The following RALYL variants were observed in gnomAD, a reference collection of about 807,000 sequenced individuals.
RALYL encodes RNA-binding Raly-like protein.
In RALYL, 29 loss-of-function variants were observed where a neutral mutation model predicts 35.1. That is an observed-to-expected ratio of 0.83 (90% CI 0.61 to 1.13). The LOEUF (loss-of-function observed/expected upper bound fraction) is 1.13. Ranked by LOEUF, RALYL falls within the 50% of genes most tolerant of loss-of-function variation. The pLI is 0.00. For missense variants in RALYL, 359 were observed against 360.4 expected (o/e 1.00, Z 0.03); for synonymous variants, 120 against 127.6 (o/e 0.94, Z 0.40).
chr8:84,420,339 G>A (rs1196734218), intron 1 of RALYL, among the ~76,000 whole-genome samples: 4 of 152,182 alleles, frequency 2.6e-5, no homozygotes, highest in East Asian at 1.9e-4. Context: ...CTGCATAAAT[G>A]TCTTCTTTTG....
chr8:84,541,264 C>T (rs1038767718), intron 2 of RALYL, among the ~76,000 whole-genome samples: 4 of 151,956 alleles, frequency 2.6e-5, no homozygotes, highest in African/African-American at 9.7e-5. Flanking sequence ...AGCACAGTCT[C>T]AGCCTCATCC....
chr8:84,219,324 T>A (rs1563553040), intron 1 of RALYL, among the ~76,000 whole-genome samples: 1 of 152,032 alleles, frequency 6.6e-6, no homozygotes, highest in Admixed American at 6.6e-5. Flanking sequence ...CCTTCCTCCC[T>A]CCTTGTGAAG....
chr8:84,518,622 A>G (rs1209375920), intron 1 of RALYL, among the ~76,000 whole-genome samples: 3 of 152,202 alleles, frequency 2.0e-5, no homozygotes, highest in Admixed American at 1.3e-4. Context: ...GTTGGTAGGA[A>G]GAAATTCACC....
intron 2 of RALYL, among the ~76,000 whole-genome samples, chr8:84,735,809 CGCGAGAGAGAGAGAGAGAGAGAGA>C (rs1395427282): frequency 1.7e-5 from 2 of 119,046 alleles, no homozygotes; most frequent in Non-Finnish European, 3.7e-5. Flanking sequence ...TCATCCAAAC[CGCGAGAGAGAGAGAGAGAGAGAGA>C]GAGAGAGAGA....
At chr8:84,778,613 AAG>A (rs528393569) in intron 3 of RALYL, among the ~76,000 whole-genome samples, 224 of 152,328 alleles carry the variant, frequency 1.5e-3, no homozygotes, top group Non-Finnish European at 2.7e-3. Context: ...TTTGAAGGGA[AAG>A]AGAGAGGGAA....
chr8:84,911,226 T>C (rs1020688096), intron 8 of RALYL, among the ~76,000 whole-genome samples: 4 of 152,094 alleles, frequency 2.6e-5, no homozygotes, highest in East Asian at 1.9e-4. Flanking sequence ...AAAGTTCAAC[T>C]AGCAACTATC....
At chr8:84,331,182 A>T (rs1477529797) in intron 1 of RALYL, among the ~76,000 whole-genome samples, 1 of 152,122 alleles carries the variant, frequency 6.6e-6, no homozygotes, top group Non-Finnish European at 1.5e-5. Flanking sequence ...ACAAAGACTG[A>T]ACTTATGTCA....
intron 1 of RALYL, among the ~76,000 whole-genome samples, chr8:84,262,706 A>G (rs1458227312): frequency 2.0e-5 from 3 of 152,160 alleles, no homozygotes; most frequent in Non-Finnish European, 2.9e-5. Context: ...CCTGTTGGTG[A>G]TCTATTAATG....
Position 84,920,933 on chromosome 8 carries a change from A to T in RALYL, c.*22A>T, listed in dbSNP as rs13267859. ...GTGATCTGAAATAACGCATGATGCC[A>T]CAAAGCAGAAAAGAGAAACTGTGAC... On this transcript the variant is annotated 3_prime_UTR_variant, in exon 9 of 9. Coordinates refer to ENST00000521268, the MANE Select transcript of RALYL (RefSeq NM_173848.7). 7.1e-7 allele frequency: 1 copy of T among 1,412,914 alleles called. No homozygotes were observed. The highest frequency in any genetic ancestry group is 2.7e-5 in the East Asian group (1 of 36,748). The allele number at this position is 1,412,914 out of a possible 1,614,324, so 87.5% of individuals were successfully genotyped here.
intron 2 of RALYL, among the ~76,000 whole-genome samples, chr8:84,660,112 AT>A (rs1251042319): frequency 6.6e-6 from 1 of 152,086 alleles, no homozygotes; most frequent in Non-Finnish European, 1.5e-5. Flanking sequence ...GCACTTTACA[AT>A]TTTCTCAATT....
chr8:84,463,706 T>C (rs1431946318), intron 1 of RALYL, among the ~76,000 whole-genome samples: 1 of 152,078 alleles, frequency 6.6e-6, no homozygotes, highest in Non-Finnish European at 1.5e-5. Context: ...TCTAATGTGT[T>C]TTGAGAGATT....
At chr8:84,726,241 A>G (rs1478955232) in intron 2 of RALYL, among the ~76,000 whole-genome samples, 1 of 146,844 alleles carries the variant, frequency 6.8e-6, no homozygotes, top group Non-Finnish European at 1.5e-5. Context: ...ATATAAATAT[A>G]TATAATTATA....
At position 84,197,713 on chromosome 8, in the gene RALYL, T is replaced by G. The variant is rs1275451402; in HGVS notation, c.-24+13289T>G. Among the ~76,000 whole-genome samples the G allele has an allele frequency of 6.0e-5, 9 of 151,174 alleles. 1 individual carries two copies. Among genetic ancestry groups the G allele is most frequent in the Middle Eastern group, 3.4e-3 (1 of 294 alleles). ...GGAGGCAAGAGGCGGGAGGATAGCT[T>G]GAGCCCAGGAGTTCGAGACTGCCTG... On this transcript the variant is annotated intron_variant, in intron 1 of 8. Coordinates refer to ENST00000521268, the MANE Select transcript of RALYL (RefSeq NM_173848.7).
intron 1 of RALYL, among the ~76,000 whole-genome samples, chr8:84,246,288 T>C (rs892512728): frequency 6.6e-5 from 10 of 152,152 alleles, no homozygotes; most frequent in Non-Finnish European, 1.3e-4. Context: ...TCAGACACTA[T>C]GCTCAGACCT....
intron 1 of RALYL, among the ~76,000 whole-genome samples, chr8:84,505,848 G>A (rs1180870976): frequency 6.6e-6 from 1 of 152,098 alleles, no homozygotes. Context: ...TAAGGTTAAA[G>A]ATATAAATTT....
intron 1 of RALYL, among the ~76,000 whole-genome samples, chr8:84,278,749 C>T (rs1835931140): frequency 6.6e-6 from 1 of 152,160 alleles, no homozygotes; most frequent in Non-Finnish European, 1.5e-5. Flanking sequence ...TTGTTCATCT[C>T]CACCTGAGAC....
chr8:84,783,801 G>A (rs892550610), intron 3 of RALYL, among the ~76,000 whole-genome samples: 2 of 152,158 alleles, frequency 1.3e-5, no homozygotes, highest in African/African-American at 4.8e-5. Context: ...AAGGAAGGGA[G>A]GGAAATCTCT....
At chr8:84,511,412 C>G (rs1274755863) in intron 1 of RALYL, among the ~76,000 whole-genome samples, 6 of 152,038 alleles carry the variant, frequency 3.9e-5, no homozygotes, top group Non-Finnish European at 8.8e-5. Flanking sequence ...TTAGAATTCT[C>G]TTATTTTTTA....
At chr8:84,831,968 G>T (rs1831025176) in intron 4 of RALYL, among the ~76,000 whole-genome samples, 1 of 152,054 alleles carries the variant, frequency 6.6e-6, no homozygotes, top group African/African-American at 2.4e-5. Flanking sequence ...TAGGTATTTT[G>T]GGAAAATGGG....
Sources: allele counts gnomAD v4.1 joint callset (sites outside exome capture counted in the v4.1 genomes callset), GRCh38; gene constraint gnomAD v4.1.1; transcripts MANE v1.5; gene names NCBI Gene and HGNC (gene_info 2026-07-23, HGNC 2026-07-21).